ASH1L: variants seen among roughly 807,000 people sequenced by gnomAD.
The protein encoded by ASH1L is ASH1 like histone lysine methyltransferase.
ASH1L carries 23 observed loss-of-function variants against 269.0 expected under a neutral mutation model. The ratio of observed to expected loss-of-function variants is 0.09; its 90% CI spans 0.06 to 0.12. The LOEUF (loss-of-function observed/expected upper bound fraction) is 0.12. Ranked by LOEUF, ASH1L falls within the 10% of genes least tolerant of loss-of-function variation. The pLI, the probability that ASH1L is intolerant of heterozygous loss-of-function variation, is 1.00. For missense variants in ASH1L, 2,912 were observed against 3,567.8 expected (o/e 0.82, Z 4.68); for synonymous variants, 1,187 against 1,253.5 (o/e 0.95, Z 1.12).
Position 155,438,576 on chromosome 1 carries a change from G to A in ASH1L, c.5579C>T (p.Ala1860Val). ...PGRPRKCPLQ[A>V]VVSMQAFQAA... ...CTGGAATGCTTGCATTGATACGACA[G>A]CCTGAAGGGGACATTTCCGAGGTCG... The change falls in exon 5 of 28, where the codon GCT becomes GTT. Residue 1860 changes from alanine to valine, a missense_variant. Physicochemically the swap from Ala to Val is moderately conservative, Grantham distance 64 (BLOSUM62 0). Around this residue, in one of 13 missense-constraint regions of ASH1L, gnomAD observed 789 missense variants for 897.6 expected, o/e 0.88. Coordinates refer to ENST00000392403, the MANE Select transcript of ASH1L (RefSeq NM_018489.3). 3 of 1,614,102 alleles carry A rather than the reference G, an allele frequency of 1.9e-6. No individual in the cohort carries two copies. The highest frequency in any genetic ancestry group is 1.7e-5 in the Admixed American group (1 of 59,986).
Position 155,347,794 on chromosome 1 carries a change from C to T in ASH1L, c.7665G>A (p.Glu2555=), listed in dbSNP as rs1653491802. ...CACTGCTGTCTGCCTCACTTGCTGT[C>T]TCTCCCACAATCTCATCAATCTGGG... is the stretch of plus-strand genomic sequence containing the variant. The part of the protein sequence containing the change: ...ASAQIDEIVG[E]TASEADSSET... Residue 2555 remains glutamate (E), a synonymous_variant, in exon 20 of 28, where the codon GAG becomes GAA. Transcript: ENST00000392403. The T allele has an allele frequency of 6.2e-7, 1 of 1,614,238 alleles. No individual in the cohort carries two copies.
intron 2 of ASH1L, among the ~76,000 whole-genome samples, chr1:155,495,788 A>G (rs868238472): frequency 1.6e-4 from 24 of 152,200 alleles, no homozygotes; most frequent in African/African-American, 5.3e-4. Flanking sequence ...ACTTGAGGTC[A>G]GGAGTTTGAG....
At chr1:155,352,106 C>T (rs772890921) in intron 17 of ASH1L, among the ~76,000 whole-genome samples, 1 of 151,798 alleles carries the variant, frequency 6.6e-6, no homozygotes, top group African/African-American at 2.4e-5. Context: ...GTGTTTCATG[C>T]TCAGAATGCA....
At chr1:155,340,598 T>C (rs1652703407) in intron 25 of ASH1L, among the ~76,000 whole-genome samples, 3 of 152,058 alleles carry the variant, frequency 2.0e-5, no homozygotes, top group Admixed American at 2.0e-4. Context: ...AACAGATGAA[T>C]GGATGATCAA....
At chr1:155,412,476 T>A (rs1034679869) in intron 6 of ASH1L, among the ~76,000 whole-genome samples, 10 of 152,142 alleles carry the variant, frequency 6.6e-5, no homozygotes, top group African/African-American at 2.4e-4. Context: ...TCTGGATAGC[T>A]GAACATGTGG....
intron 1 of ASH1L, among the ~76,000 whole-genome samples, chr1:155,535,381 A>G (rs1413937654): frequency 1.3e-5 from 2 of 152,142 alleles, no homozygotes; most frequent in Non-Finnish European, 2.9e-5. Context: ...GCAAGCCACC[A>G]TGCCTGCTCA....
intron 7 of ASH1L, among the ~76,000 whole-genome samples, chr1:155,394,484 T>C (rs1386885342): frequency 1.3e-5 from 2 of 152,296 alleles, no homozygotes; most frequent in South Asian, 2.1e-4. Context: ...TAGATGGCTA[T>C]TGCAGCAGCC....
chr1:155,360,406 A>G lies in ASH1L; in HGVS notation c.6690T>C (p.Ser2230=). ...CDPNCEMQKW[S]VNGVYRIGLY... Reference sequence around the variant, plus strand: ...GTCCAATCCGGTATACTCCATTAACAGACCTGTAAAGAGAGAAAACAGAGT... The same window carrying G: ...GTCCAATCCGGTATACTCCATTAACGGACCTGTAAAGAGAGAAAACAGAGT... Residue 2230 remains serine, a synonymous_variant, in exon 13 of 28, where the codon TCT becomes TCC. Coordinates refer to ENST00000392403, the MANE Select transcript of ASH1L (RefSeq NM_018489.3). 1 of 1,593,428 alleles carries G rather than the reference A, an allele frequency of 6.3e-7. No individual in the cohort carries two copies. The highest frequency in any genetic ancestry group is 8.6e-7 in the Non-Finnish European group (1 of 1,162,392).
rs550413556 is a variant in ASH1L, at chr1:155,547,203, G to A, written c.-100+14950C>T. Among the ~76,000 whole-genome samples, 7 of 150,644 alleles carry A rather than the reference G, an allele frequency of 4.6e-5. No homozygotes were observed. The South Asian group carries it at 1.5e-3, about 32-fold the overall frequency. ...CTTGACCTCGTGATCTGCCCGCCTT[G>A]GCCTCCCAAAGTGCTGGGATTATGT... is the stretch of plus-strand genomic sequence containing the variant. On this transcript the variant is annotated intron_variant, in intron 1 of 27. Transcript: ENST00000392403.
At chr1:155,554,949 C>A (rs1323322097) in intron 1 of ASH1L, among the ~76,000 whole-genome samples, 1 of 151,880 alleles carries the variant, frequency 6.6e-6, no homozygotes, top group Non-Finnish European at 1.5e-5. Context: ...TAGAGATCAG[C>A]CTGGCCAACA....
At chr1:155,345,824 C>T (rs11264362) in intron 21 of ASH1L, 92,346 of 168,342 alleles carry the variant, frequency 0.55, 28,880 homozygotes, top group Middle Eastern at 0.69. Flanking sequence ...CCACTGCACC[C>T]GGCCTTTTTT....
chr1:155,416,708 G>C (rs1218043581), intron 5 of ASH1L, among the ~76,000 whole-genome samples: 1 of 151,036 alleles, frequency 6.6e-6, no homozygotes, highest in Non-Finnish European at 1.5e-5. Flanking sequence ...GATAATTTTT[G>C]TATTTTTAGT....
At chr1:155,340,344 G>T (rs184573532) in intron 25 of ASH1L, among the ~76,000 whole-genome samples, 4 of 151,910 alleles carry the variant, frequency 2.6e-5, no homozygotes, top group African/African-American at 9.7e-5. Flanking sequence ...CACCATGCCC[G>T]GCTAATTTTT....
At chr1:155,486,733 T>A (rs527491055) in intron 2 of ASH1L, among the ~76,000 whole-genome samples, 1 of 152,098 alleles carries the variant, frequency 6.6e-6, no homozygotes, top group East Asian at 1.9e-4. Flanking sequence ...TAAAAACAAA[T>A]ATTAAGCAGT....
intron 1 of ASH1L, among the ~76,000 whole-genome samples, chr1:155,545,371 C>T (rs1670736865): frequency 6.6e-6 from 1 of 151,302 alleles, no homozygotes; most frequent in African/African-American, 2.4e-5. Context: ...AAAAGTAATC[C>T]TACTTTTGAG....
intron 7 of ASH1L, among the ~76,000 whole-genome samples, chr1:155,382,524 A>C (rs1558049899): frequency 6.6e-6 from 1 of 152,044 alleles, no homozygotes. Flanking sequence ...GAACAAACAA[A>C]AACCCAAACC....
chr1:155,493,679 C>T (rs1197388181), intron 2 of ASH1L, among the ~76,000 whole-genome samples: 1 of 152,068 alleles, frequency 6.6e-6, no homozygotes, highest in Non-Finnish European at 1.5e-5. Context: ...ACCAGCCTAG[C>T]CAACATGGTG....
chr1:155,366,896 G>A (rs934284859), intron 12 of ASH1L, among the ~76,000 whole-genome samples: 1 of 151,420 alleles, frequency 6.6e-6, no homozygotes, highest in African/African-American at 2.4e-5. Flanking sequence ...GGGTGGTCTC[G>A]AACTCCTGAC....
chr1:155,367,618 A>G (rs912704148), intron 12 of ASH1L, among the ~76,000 whole-genome samples: 2 of 152,080 alleles, frequency 1.3e-5, no homozygotes, highest in African/African-American at 4.8e-5. Flanking sequence ...CAGATTTGTT[A>G]GTTCCTTTTT....
Sources: gnomAD v4.1 joint callset for allele counts (sites outside exome capture counted in the v4.1 genomes callset) on GRCh38, gnomAD v4.1.1 for gene constraint, gnomAD v4.1.1 regional missense constraint, MANE v1.5 for transcripts, NCBI Gene and HGNC (gene_info 2026-07-23, HGNC 2026-07-21) for gene names.